The following LRIF1 variants were observed in gnomAD, a reference collection of about 807,000 sequenced individuals.
The protein encoded by LRIF1 is ligand dependent nuclear receptor interacting factor 1, also known as ligand-dependent nuclear receptor-interacting factor 1.
Under a neutral mutation model 52.7 loss-of-function variants are expected in LRIF1, and 32 were observed. The observed-to-expected ratio is 0.61, with a 90% CI of 0.46 to 0.82. LRIF1 has a LOEUF of 0.82. Among genes scored for constraint, LRIF1 ranks in the 40% least tolerant of loss-of-function variants. LRIF1 has a pLI of 0.00. For synonymous variants in LRIF1, 323 were observed against 317.4 expected (o/e 1.02, Z -0.19); for missense variants, 887 against 892.0 (o/e 0.99, Z 0.07).
Position 110,949,988 on chromosome 1 carries a change from T to C in LRIF1, c.1732A>G (p.Lys578Glu), listed in dbSNP as rs1362989429. ...CGAGTAAGGCACACTCTCAAATCCT[T>C]AGTAAGGCCAAATATCTTTTTAAAT... Reference protein sequence around the residue: ...AEFKKIFGLTKDLRVCLTRIP... With the variant: ...AEFKKIFGLTEDLRVCLTRIP... The change falls in exon 3 of 4, where the codon AAG becomes GAG. Residue 578 changes from lysine to glutamate, a missense_variant. Physicochemically the swap from Lys to Glu is moderately conservative, Grantham distance 56. Coordinates refer to ENST00000369763, the MANE Select transcript of LRIF1 (RefSeq NM_018372.4). The C allele has an allele frequency of 6.2e-7, 1 of 1,614,120 alleles. No individual in the cohort carries two copies. The highest frequency in any genetic ancestry group is 8.5e-7 in the Non-Finnish European group (1 of 1,179,998).
At chr1:110,949,014 T>C (rs908836460) in intron 3 of LRIF1, among the ~76,000 whole-genome samples, 2 of 152,020 alleles carry the variant, frequency 1.3e-5, no homozygotes, top group Admixed American at 6.5e-5. Context: ...TGTAACATAA[T>C]GGGAAAAAAA....
the LRIF1 span, among the ~76,000 whole-genome samples, chr1:110,916,868 A>G: frequency 1.3e-5 from 2 of 152,242 alleles, no homozygotes; most frequent in Admixed American, 1.3e-4. Flanking sequence ...ATAAGGAAAA[A>G]AATAAAACTT....
At chr1:110,931,170 T>A in the LRIF1 span, among the ~76,000 whole-genome samples, 1 of 152,144 alleles carries the variant, frequency 6.6e-6, no homozygotes, top group Non-Finnish European at 1.5e-5. Flanking sequence ...CTGTGTGATG[T>A]TCCCCTCTGT....
intron 1 of LRIF1, among the ~76,000 whole-genome samples, chr1:110,958,376 G>C (rs192474140): frequency 3.9e-5 from 6 of 152,068 alleles, no homozygotes; most frequent in Admixed American, 3.9e-4. Context: ...TTGGAATCCC[G>C]AATGTACTCC....
chr1:110,877,463 C>T, the LRIF1 span, among the ~76,000 whole-genome samples: 32,635 of 152,120 alleles, frequency 0.21, 4,330 homozygotes, highest in Middle Eastern at 0.37. Context: ...TGTAACAGTG[C>T]TAACTGTTTT....
chr1:110,881,080 A>G, the LRIF1 span, among the ~76,000 whole-genome samples: 1 of 152,210 alleles, frequency 6.6e-6, no homozygotes. Context: ...TGTTGCCATG[A>G]GTGTGGAGTG....
chr1:110,919,325 A>G, the LRIF1 span, among the ~76,000 whole-genome samples: 153 of 152,242 alleles, frequency 1.0e-3, no homozygotes, highest in African/African-American at 3.3e-3. Context: ...AGCGAATATA[A>G]AGCTGGCAGA....
chr1:110,953,587 C>T (rs1184203740), intron 1 of LRIF1, among the ~76,000 whole-genome samples: 1 of 152,140 alleles, frequency 6.6e-6, no homozygotes, highest in African/African-American at 2.4e-5. Context: ...ACCCCCATGC[C>T]TTGAATTATT....
the LRIF1 span, among the ~76,000 whole-genome samples, chr1:110,925,799 C>G: frequency 2.0e-5 from 3 of 151,890 alleles, no homozygotes; most frequent in South Asian, 4.2e-4. Flanking sequence ...GATGAATTAT[C>G]TAGAATGAGA....
chr1:110,893,910 G>T, the LRIF1 span, among the ~76,000 whole-genome samples: 1 of 152,112 alleles, frequency 6.6e-6, no homozygotes. Flanking sequence ...CATTGTACAG[G>T]GCTCCTCTCA....
At chr1:110,896,722 C>T in the LRIF1 span, 7 of 1,612,464 alleles carry the variant, frequency 4.3e-6, no homozygotes, top group Admixed American at 1.7e-5. Context: ...CCCCTCAGAT[C>T]GAAAAGTGGA....
In LRIF1 at chr1:110,951,689, C is replaced by G; in HGVS notation, c.1195G>C (p.Val399Leu). The G allele has an allele frequency of 6.2e-7, 1 of 1,614,088 alleles. No homozygotes were observed. Among genetic ancestry groups the G allele is most frequent in the East Asian group, 2.2e-5 (1 of 44,876 alleles). Residue 399 changes from valine (V) to leucine (L), a missense_variant, in exon 2 of 4, where the codon GTG (valine) becomes CTG (leucine). Val to Leu is a conservative substitution (Grantham distance 32). Coordinates refer to ENST00000369763, the MANE Select transcript of LRIF1 (RefSeq NM_018372.4). Reference sequence around the variant, plus strand: ...ATTTCTGTGACTGGACTTGAACTCACTGTCTGTAACGTGTCTTTTCTTACT... The same window carrying G: ...ATTTCTGTGACTGGACTTGAACTCAGTGTCTGTAACGTGTCTTTTCTTACT... ...TPVRKDTLQTVSSSPVTEISR... is the reference protein window; with the variant it reads ...TPVRKDTLQTLSSSPVTEISR...
At chr1:110,963,574 G>A (rs749771828) in intron 1 of LRIF1, 47 bp downstream of exon 1, 1 of 1,535,852 alleles carries the variant, frequency 6.5e-7, no homozygotes, top group Non-Finnish European at 9.0e-7. Context: ...ACATCCCTAA[G>A]ACGGACAGAG....
chr1:110,959,202 T>C (rs1282033), intron 1 of LRIF1, among the ~76,000 whole-genome samples: 4,162 of 152,238 alleles, frequency 0.027, 186 homozygotes, highest in African/African-American at 0.095. Context: ...TAATACAGTT[T>C]AACAGTTTAA....
rs1658243097 is a variant in LRIF1 at position 110,947,381 on chromosome 1, A to G, written c.*578T>C. Reference sequence around the variant, plus strand: ...ATACCTTTGGATTATATAAAATTACATTGTAAAGTTACAAATGTTGCTCAT... The same window carrying G: ...ATACCTTTGGATTATATAAAATTACGTTGTAAAGTTACAAATGTTGCTCAT... On this transcript the variant is annotated 3_prime_UTR_variant, in exon 4 of 4. Transcript: ENST00000369763. 1 of 152,180 alleles carries G rather than the reference A, an allele frequency of 6.6e-6. No individual in the cohort carries two copies. Among genetic ancestry groups the G allele is most frequent in the Admixed American group, 6.5e-5 (1 of 15,280 alleles). 9.4% of individuals were successfully genotyped at this position (152,180 alleles called of 1,614,324 possible).
the LRIF1 span, chr1:110,897,942 G>A: frequency 9.4e-7 from 1 of 1,068,088 alleles, no homozygotes; most frequent in Admixed American, 1.9e-5. Context: ...AGTTAAGTCA[G>A]GTAAGATTTC....
At chr1:110,894,799 C>G in the LRIF1 span, among the ~76,000 whole-genome samples, 14 of 152,010 alleles carry the variant, frequency 9.2e-5, no homozygotes, top group Non-Finnish European at 7.4e-5. Flanking sequence ...CATGCTCAGC[C>G]TGTATGCCCA....
chr1:110,952,653 T>C lies in LRIF1; in HGVS notation c.231A>G (p.Gln77=). 1 of 1,614,146 alleles carries C rather than the reference T, an allele frequency of 6.2e-7. No individual in the cohort carries two copies. The highest frequency in any genetic ancestry group is 1.1e-5 in the South Asian group (1 of 91,080). Residue 77 remains glutamine (Q), a synonymous_variant, in exon 2 of 4, where the codon CAA becomes CAG. Coordinates refer to ENST00000369763, the MANE Select transcript of LRIF1 (RefSeq NM_018372.4). ...ALKGNTGKPV[Q]VTFQTQISSS... ...TGGAAATCTGAGTCTGAAAAGTAAC[T>C]TGAACTGGTTTTCCTGTATTCCCTT...
the LRIF1 span, among the ~76,000 whole-genome samples, chr1:110,919,512 C>A: frequency 6.6e-6 from 1 of 152,280 alleles, no homozygotes; most frequent in Admixed American, 6.5e-5. Flanking sequence ...TAAGTTAATA[C>A]TTATTAAACT....
Sources: allele counts gnomAD v4.1 joint callset (sites outside exome capture counted in the v4.1 genomes callset), GRCh38; gene constraint gnomAD v4.1.1; transcripts MANE v1.5; gene names NCBI Gene and HGNC (gene_info 2026-07-23, HGNC 2026-07-21).